The following CEP104 variants were observed in gnomAD, a reference collection of about 807,000 sequenced individuals.
The protein encoded by CEP104 is centrosomal protein of 104 kDa.
Under a neutral mutation model 113.3 loss-of-function variants are expected in CEP104, and 84 were observed. The observed-to-expected ratio is 0.74, with a 90% CI of 0.62 to 0.89. CEP104 has a LOEUF of 0.89. Ranked by LOEUF, CEP104 falls within the 40% of genes least tolerant of loss-of-function variation. The pLI, the probability that CEP104 is intolerant of heterozygous loss-of-function variation, is 0.00. For missense variants in CEP104, 1,053 were observed against 1,156.6 expected, an observed-to-expected ratio of 0.91 and a Z score of 1.30; for synonymous variants, 378 against 421.7, an observed-to-expected ratio of 0.90 and a Z score of 1.27.
At chr1:3,833,719 C>A in intron 12 of CEP104, 143 bp downstream of exon 12, 2 of 731,038 alleles carry the variant, frequency 2.7e-6, no homozygotes, top group Admixed American at 3.1e-5. Flanking sequence ...CCTTTTAGAG[C>A]ATAAGGAAAG....
intron 12 of CEP104, among the ~76,000 whole-genome samples, chr1:3,832,057 G>A (rs1235045208): frequency 6.6e-6 from 1 of 152,170 alleles, no homozygotes; most frequent in Non-Finnish European, 1.5e-5. Context: ...TTGCCTTAAG[G>A]TTGTCTCACA....
chr1:3,836,342 A>G (rs1483540701), intron 10 of CEP104, among the ~76,000 whole-genome samples, 153 bp downstream of exon 10: 4 of 151,690 alleles, frequency 2.6e-5, no homozygotes, highest in Non-Finnish European at 5.9e-5. Flanking sequence ...AAGACTTTCC[A>G]ATTCAGGAAG....
At chr1:3,834,823 C>A in intron 11 of CEP104, 102 bp downstream of exon 11, 1 of 1,085,750 alleles carries the variant, frequency 9.2e-7, no homozygotes, top group South Asian at 1.7e-5. Context: ...GTGACCACGT[C>A]AATGACCAAC....
chr1:3,838,941 TC>T, intron 8 of CEP104, 22 bp downstream of exon 8: 1 of 1,613,176 alleles, frequency 6.2e-7, no homozygotes, highest in Non-Finnish European at 8.5e-7. Flanking sequence ...TTTCCTCCAC[TC>T]CGTCTGGGCT....
Position 3,813,011 on chromosome 1 carries a change from G to GT in CEP104, c.*2390dup, listed in dbSNP as rs1252199388. 6.6e-6 allele frequency: 1 copy of GT among 151,892 alleles called. No homozygotes were observed. Among genetic ancestry groups the GT allele is most frequent in the Non-Finnish European group, 1.5e-5 (1 of 67,982 alleles). 9.4% of individuals were successfully genotyped at this position (151,892 alleles called of 1,614,324 possible). On this transcript the variant is annotated 3_prime_UTR_variant, in exon 22 of 22. Coordinates refer to ENST00000378230, the MANE Select transcript of CEP104 (RefSeq NM_014704.4). ...AAGTTACAATATATAGAAGGCATGT[G>GT]TATATGTGTGTATATATATATATAT...
At chr1:3,850,267 A>G (rs1000856130) in intron 2 of CEP104, among the ~76,000 whole-genome samples, 20 of 152,260 alleles carry the variant, frequency 1.3e-4, no homozygotes, top group Middle Eastern at 3.2e-3. Flanking sequence ...CACTTTATAG[A>G]TGAATCAAAA....
At chr1:3,830,940 C>T in intron 13 of CEP104, 106 bp downstream of exon 13, 8 of 1,190,508 alleles carry the variant, frequency 6.7e-6, no homozygotes, top group Non-Finnish European at 9.3e-6. Context: ...TCTGAAATCA[C>T]TGCCTCAGTC....
chr1:3,831,022 G>A, intron 13 of CEP104, 24 bp downstream of exon 13: 1 of 1,605,606 alleles, frequency 6.2e-7, no homozygotes, highest in African/African-American at 1.3e-5. Context: ...GCCGCGTGGT[G>A]TGTCACACGC....
At chr1:3,844,879 G>A in intron 6 of CEP104, 28 bp downstream of exon 6, 1 of 1,580,912 alleles carries the variant, frequency 6.3e-7, no homozygotes, top group East Asian at 2.2e-5. Context: ...AGTAAAAGAA[G>A]TTCATTGATG....
chr1:3,834,147 T>C (rs552523988), intron 11 of CEP104, 112 bp from the exon 12 acceptor site: 13 of 922,616 alleles, frequency 1.4e-5, no homozygotes, highest in African/African-American at 3.3e-5. Flanking sequence ...AAATGACATC[T>C]CGTCTGAAAG....
chr1:3,850,115 G>GCT (rs1644582963), intron 2 of CEP104, among the ~76,000 whole-genome samples: 5 of 152,286 alleles, frequency 3.3e-5, no homozygotes, highest in Admixed American at 3.3e-4. Context: ...TGGGTTTGAG[G>GCT]GCACTCTAGG....
chr1:3,846,255 T>TGGG (rs1454799340), intron 4 of CEP104, among the ~76,000 whole-genome samples: 1 of 152,158 alleles, frequency 6.6e-6, no homozygotes, highest in Non-Finnish European at 1.5e-5. Context: ...TCCCAGTTGG[T>TGGG]GAGTCTCACC....
At chr1:3,839,344 T>C (rs1644372277) in intron 7 of CEP104, among the ~76,000 whole-genome samples, 1 of 152,152 alleles carries the variant, frequency 6.6e-6, no homozygotes, top group African/African-American at 2.4e-5. Flanking sequence ...CTGGTTTTCC[T>C]ATTTTCCCAT....
At chr1:3,828,163 C>A (rs535479183) in intron 15 of CEP104, among the ~76,000 whole-genome samples, 1 of 152,178 alleles carries the variant, frequency 6.6e-6, no homozygotes. Context: ...GGGAGGCAGG[C>A]GCCTGGCAAT....
In CEP104 at chr1:3,845,311, T is replaced by C. The variant is rs1175607095; in HGVS notation, c.467A>G (p.Asp156Gly). 10 of 1,609,192 alleles carry C rather than the reference T, an allele frequency of 6.2e-6. No homozygotes were observed. Among genetic ancestry groups the C allele is most frequent in the Non-Finnish European group, 8.5e-6 (10 of 1,176,522 alleles). Reference protein sequence around the residue: ...VAINIIGDPADFSDESNTASR... With the variant: ...VAINIIGDPAGFSDESNTASR... ...TACAGTATTGCTTTCATCACTGAAA[T>C]CTGCAGGGTCTCCAATGATATTTAT... is the stretch of plus-strand genomic sequence containing the variant. The change falls in exon 5 of 22, where the codon GAT (aspartate) becomes GGT (glycine). Residue 156 changes from aspartate (D) to glycine (G), a missense_variant. Physicochemically the swap from Asp to Gly is moderately conservative, Grantham distance 94. Transcript: ENST00000378230.
chr1:3,837,358 A>G lies in CEP104; in HGVS notation c.1053T>C (p.Thr351=). 6.2e-7 allele frequency: 1 copy of G among 1,614,148 alleles called. No individual in the cohort carries two copies. The part of the protein sequence containing the change: ...LQEKPSSYSL[T]ISPQHSAVDP... ...CTACTGCAGAATGCTGAGGAGAAATAGTTAGAGAATATGATGAAGGCTTTT... is the reference window on the plus strand; with the variant it reads ...CTACTGCAGAATGCTGAGGAGAAATGGTTAGAGAATATGATGAAGGCTTTT... Residue 351 remains threonine (T), a synonymous_variant, in exon 9 of 22, where the codon ACT becomes ACC. Coordinates refer to ENST00000378230, the MANE Select transcript of CEP104 (RefSeq NM_014704.4).
chr1:3,856,727 G>C (rs1195499178), intron 1 of CEP104, among the ~76,000 whole-genome samples, 162 bp downstream of exon 1: 1 of 152,100 alleles, frequency 6.6e-6, no homozygotes, highest in Non-Finnish European at 1.5e-5. Context: ...GCGACAGCAA[G>C]GCCGGCATCT....
chr1:3,835,995 C>T (rs988493575), intron 10 of CEP104, among the ~76,000 whole-genome samples: 14 of 116,360 alleles, frequency 1.2e-4, no homozygotes. Flanking sequence ...CAGAGTGACA[C>T]TCTGTTTCAT....
chr1:3,835,045 C>T lies in CEP104; in HGVS notation c.1365G>A (p.Leu455=). Residue 455 remains leucine (L), a synonymous_variant, in exon 11 of 22, where the codon CTG becomes CTA. Transcript: ENST00000378230. ...CCATTAACTTCTTAGACAAGGCAAG[C>T]AGTGCATCCTCTCGGTAGGACCACG... The part of the protein sequence containing the change: ...CKTWSYREDA[L]LALSKKLMEM... 6.2e-7 allele frequency: 1 copy of T among 1,614,110 alleles called. No homozygotes were observed. The highest frequency in any genetic ancestry group is 2.2e-5 in the East Asian group (1 of 44,888).
Sources: gnomAD v4.1 joint callset for allele counts (sites outside exome capture counted in the v4.1 genomes callset) on GRCh38, gnomAD v4.1.1 for gene constraint, MANE v1.5 for transcripts, NCBI Gene and HGNC (gene_info 2026-07-23, HGNC 2026-07-21) for gene names.